The following TMPRSS11E variants were observed in gnomAD, a reference collection of about 807,000 sequenced individuals.
TMPRSS11E encodes transmembrane serine protease 11E.
In TMPRSS11E, 38 loss-of-function variants were observed where a neutral mutation model predicts 48.1. The observed-to-expected ratio is 0.79, with a 90% CI of 0.61 to 1.04. The LOEUF (loss-of-function observed/expected upper bound fraction) is 1.04. Ranked by LOEUF, TMPRSS11E falls within the 50% of genes least tolerant of loss-of-function variation. The probability of loss-of-function intolerance (pLI) is 0.00; values close to 1 mark genes in which losing one functional copy is unlikely to be tolerated. For missense variants in TMPRSS11E, 530 were observed against 510.8 expected (o/e 1.04, Z -0.36); for synonymous variants, 158 against 171.9 (o/e 0.92, Z 0.63).
intron 9 of TMPRSS11E, among the ~76,000 whole-genome samples, chr4:68,494,462 G>A (rs933404207): frequency 6.6e-6 from 1 of 152,002 alleles, no homozygotes; most frequent in Non-Finnish European, 1.5e-5. Context: ...TATCTTTTAT[G>A]TTTATTTCTT....
chr4:68,471,625 T>C lies in TMPRSS11E; in HGVS notation c.490+2T>C. 6.4e-7 allele frequency: 1 copy of C among 1,566,666 alleles called. No homozygotes were observed. The highest frequency in any genetic ancestry group is 8.6e-7 in the Non-Finnish European group (1 of 1,160,604). ...ATCCTCACTCAGTTAAAATTAAAAG[T>C]AAGTTAATTTCTCTTATTTTTCTTT... On this transcript the variant is annotated splice_donor_variant, in intron 5 of 9. Transcript: ENST00000305363. LOFTEE classifies it high-confidence loss of function.
chr4:68,450,748 T>C (rs1202620360), intron 1 of TMPRSS11E, among the ~76,000 whole-genome samples: 1 of 151,978 alleles, frequency 6.6e-6, no homozygotes, highest in Admixed American at 6.6e-5. Flanking sequence ...CGACTTTGTA[T>C]TTAAACTAAA....
At chr4:68,493,882 T>C (rs1352795660) in intron 9 of TMPRSS11E, among the ~76,000 whole-genome samples, 7 of 152,188 alleles carry the variant, frequency 4.6e-5, no homozygotes, top group Non-Finnish European at 1.0e-4. Context: ...AATAACCTCA[T>C]ATGTAAAAAT....
chr4:68,473,545 C>T (rs1481866133), intron 5 of TMPRSS11E, among the ~76,000 whole-genome samples: 1 of 152,124 alleles, frequency 6.6e-6, no homozygotes, highest in Non-Finnish European at 1.5e-5. Flanking sequence ...TTGCACATAT[C>T]TTGTCTGCCA....
At chr4:68,475,199 G>A (rs1032109553) in intron 6 of TMPRSS11E, among the ~76,000 whole-genome samples, 4 of 151,868 alleles carry the variant, frequency 2.6e-5, no homozygotes, top group East Asian at 1.9e-4. Context: ...GGAAATTATC[G>A]GGTCATGGAA....
intron 1 of TMPRSS11E, among the ~76,000 whole-genome samples, chr4:68,460,883 C>CTT (rs34208799): frequency 0.22 from 31,493 of 142,174 alleles, 4,452 homozygotes; most frequent in East Asian, 0.75. Context: ...TTTCCTGTAG[C>CTT]TTTTTTTTTT....
chr4:68,458,837 G>T (rs920976401), intron 1 of TMPRSS11E, among the ~76,000 whole-genome samples: 2 of 152,058 alleles, frequency 1.3e-5, no homozygotes, highest in Non-Finnish European at 2.9e-5. Context: ...TAGTAATGTG[G>T]TCATTACCAC....
chr4:68,471,459 G>T lies in TMPRSS11E; in HGVS notation c.327-1G>T. On this transcript the variant is annotated splice_acceptor_variant, in intron 4 of 9. Transcript: ENST00000305363. LOFTEE classifies it high-confidence loss of function. ...TCATTTTCTTCTTTTTTGGCCCACA[G>T]TCAACAGAAGCATGGAGTGTTGGCT... is the stretch of plus-strand genomic sequence containing the variant. The T allele has an allele frequency of 8.1e-7, 1 of 1,227,882 alleles. No homozygotes were observed. The highest frequency in any genetic ancestry group is 1.0e-6 in the Non-Finnish European group (1 of 959,348). 76.1% of individuals were successfully genotyped at this position (1,227,882 alleles called of 1,614,324 possible).
intron 9 of TMPRSS11E, among the ~76,000 whole-genome samples, chr4:68,491,660 C>G (rs1476134990): frequency 2.0e-5 from 3 of 152,128 alleles, no homozygotes; most frequent in African/African-American, 7.2e-5. Context: ...ATAACTGGTT[C>G]CTTCTGTGTG....
chr4:68,476,830 A>G (rs1430847554), intron 7 of TMPRSS11E, among the ~76,000 whole-genome samples: 1 of 152,194 alleles, frequency 6.6e-6, no homozygotes, highest in Non-Finnish European at 1.5e-5. Flanking sequence ...AAAAAGAATT[A>G]AATACGAAGA....
chr4:68,456,113 A>C (rs1272266111), intron 1 of TMPRSS11E, among the ~76,000 whole-genome samples: 1 of 151,982 alleles, frequency 6.6e-6, no homozygotes, highest in African/African-American at 2.4e-5. Context: ...GGTCAGAGAC[A>C]TTCCTTACTG....
At chr4:68,466,396 C>T (rs996582130) in intron 2 of TMPRSS11E, among the ~76,000 whole-genome samples, 9 of 152,230 alleles carry the variant, frequency 5.9e-5, no homozygotes, top group Admixed American at 4.6e-4. Flanking sequence ...TTGTACAGTA[C>T]TCCAGGAACA....
At chr4:68,490,303 G>A (rs947160206) in intron 9 of TMPRSS11E, among the ~76,000 whole-genome samples, 17 of 152,080 alleles carry the variant, frequency 1.1e-4, no homozygotes, top group African/African-American at 2.9e-4. Context: ...TCTTGTCTGC[G>A]TCTGGTCGGC....
In TMPRSS11E at chr4:68,477,637, C is replaced by A. The variant is rs371949060; in HGVS notation, c.967+9C>A. ...AGCACTGAAAAATGATGGTGAGCAT[C>A]GGAAGAGGAACTCAAGTAAAAGTTA... On this transcript the variant is annotated intron_variant, in intron 8 of 9. Transcript: ENST00000305363. 6.2e-7 allele frequency: 1 copy of A among 1,609,128 alleles called. No individual in the cohort carries two copies.
At chr4:68,482,658 G>C (rs1010891389) in intron 9 of TMPRSS11E, among the ~76,000 whole-genome samples, 1 of 149,070 alleles carries the variant, frequency 6.7e-6, no homozygotes, top group Non-Finnish European at 1.5e-5. Flanking sequence ...TATAGTTCCA[G>C]CTGTTTGGGA....
intron 1 of TMPRSS11E, among the ~76,000 whole-genome samples, chr4:68,458,027 C>T (rs914591066): frequency 1.3e-5 from 2 of 152,054 alleles, no homozygotes; most frequent in African/African-American, 4.8e-5. Flanking sequence ...CACGTGTATA[C>T]CTATGTAACA....
At chr4:68,455,771 A>G (rs1236239978) in intron 1 of TMPRSS11E, among the ~76,000 whole-genome samples, 1 of 151,960 alleles carries the variant, frequency 6.6e-6, no homozygotes, top group Non-Finnish European at 1.5e-5. Flanking sequence ...ATTGGCTGCA[A>G]TGGCATCGCT....
intron 1 of TMPRSS11E, among the ~76,000 whole-genome samples, chr4:68,453,413 A>G (rs1042127208): frequency 5.9e-5 from 9 of 151,876 alleles, no homozygotes; most frequent in African/African-American, 1.2e-4. Flanking sequence ...GTCTTTATCC[A>G]CTAAACAAGA....
chr4:68,469,105 C>G (rs192068326), intron 4 of TMPRSS11E, among the ~76,000 whole-genome samples, 159 bp downstream of exon 4: 1 of 152,156 alleles, frequency 6.6e-6, no homozygotes, highest in East Asian at 1.9e-4. Context: ...CTTATTCATT[C>G]CTTAAATCCC....
Sources: allele counts gnomAD v4.1 joint callset (sites outside exome capture counted in the v4.1 genomes callset), GRCh38; gene constraint gnomAD v4.1.1; transcripts MANE v1.5; gene names NCBI Gene and HGNC (gene_info 2026-07-23, HGNC 2026-07-21).